The following DCAF8L2 variants were observed in gnomAD, a reference collection of about 807,000 sequenced individuals.
DCAF8L2 encodes the protein DDB1- and CUL4-associated factor 8-like protein 2.
For missense variants in DCAF8L2, 430 were observed against 490.7 expected (o/e 0.88, Z 1.17); for synonymous variants, 200 against 190.9 (o/e 1.05, Z -0.39).
chrX:27,640,698 G>A (rs938760995), intron 2 of DCAF8L2, among the ~76,000 whole-genome samples: 2 of 111,566 alleles, frequency 1.8e-5, no homozygotes, highest in Non-Finnish European at 3.8e-5. Context: ...CATTTTCACG[G>A]CAATGTATGA....
chrX:27,694,019 C>G (rs773917650), intron 3 of DCAF8L2, among the ~76,000 whole-genome samples: 8 of 112,004 alleles, frequency 7.1e-5, no homozygotes, highest in Non-Finnish European at 1.1e-4. Flanking sequence ...CCATGGAATA[C>G]TATGTAGCCA....
chrX:27,632,482 C>T (rs1343194406), intron 2 of DCAF8L2: 2 of 111,474 alleles, frequency 1.8e-5, no homozygotes, highest in Non-Finnish European at 3.8e-5. Context: ...CTGATTTCAT[C>T]TTTTGTGTAC....
At chrX:27,544,710 A>G in the DCAF8L2 span, among the ~76,000 whole-genome samples, 1 of 112,100 alleles carries the variant, frequency 8.9e-6, no homozygotes, top group African/African-American at 3.2e-5. Context: ...AGCCTAATTG[A>G]TAGAAAAAGA....
chrX:27,614,877 G>A (rs1323183320), intron 1 of DCAF8L2, among the ~76,000 whole-genome samples: 1 of 110,996 alleles, frequency 9.0e-6, no homozygotes, highest in Non-Finnish European at 1.9e-5. Context: ...TTCCAACTAT[G>A]TGGTCAATTT....
chrX:27,708,931 T>C (rs1053627932), intron 3 of DCAF8L2, among the ~76,000 whole-genome samples: 1 of 112,603 alleles, frequency 8.9e-6, no homozygotes, highest in African/African-American at 3.2e-5. Flanking sequence ...TCTTTTTTCT[T>C]TTTTTACAGA....
intron 3 of DCAF8L2, among the ~76,000 whole-genome samples, chrX:27,692,232 C>T (rs1317620034): frequency 9.0e-6 from 1 of 111,589 alleles, no homozygotes; most frequent in African/African-American, 3.3e-5. Context: ...ATTCAGATTT[C>T]TGGCTTCTTG....
At chrX:27,536,876 C>G in the DCAF8L2 span, among the ~76,000 whole-genome samples, 2 of 112,169 alleles carry the variant, frequency 1.8e-5, no homozygotes, top group Non-Finnish European at 3.8e-5. Context: ...TTTGAGGGAA[C>G]CCTCATGCCT....
At chrX:27,691,832 TG>T (rs1930722920) in intron 3 of DCAF8L2, among the ~76,000 whole-genome samples, 1 of 111,154 alleles carries the variant, frequency 9.0e-6, no homozygotes, top group South Asian at 3.8e-4. Context: ...GGAGGATAGG[TG>T]GTGCTTAGTG....
chrX:27,497,838 A>C, the DCAF8L2 span, among the ~76,000 whole-genome samples: 1 of 111,957 alleles, frequency 8.9e-6, no homozygotes, highest in African/African-American at 3.3e-5. Context: ...AAGTGCTGGG[A>C]TTACAGGCGT....
At chrX:27,681,681 G>A (rs1412741077) in intron 3 of DCAF8L2, among the ~76,000 whole-genome samples, 2 of 111,342 alleles carry the variant, frequency 1.8e-5, no homozygotes, top group African/African-American at 3.3e-5. Flanking sequence ...GTAATATATC[G>A]ATTCTATGAA....
At chrX:27,652,109 A>T (rs1403393896) in intron 2 of DCAF8L2, among the ~76,000 whole-genome samples, 2 of 110,688 alleles carry the variant, frequency 1.8e-5, no homozygotes, top group East Asian at 5.6e-4. Context: ...AACATGCAGA[A>T]TTCTTAGGAG....
the DCAF8L2 span, among the ~76,000 whole-genome samples, chrX:27,537,722 T>G: frequency 8.9e-6 from 1 of 111,838 alleles, no homozygotes; most frequent in African/African-American, 3.3e-5. Flanking sequence ...CTGGGCTGGT[T>G]TTACAGAGAA....
chrX:27,662,602 A>G (rs1426667650), intron 2 of DCAF8L2, among the ~76,000 whole-genome samples: 1 of 111,812 alleles, frequency 8.9e-6, no homozygotes, highest in East Asian at 2.8e-4. Context: ...TTTTCTCTTT[A>G]TCACAAACAA....
intron 1 of DCAF8L2, among the ~76,000 whole-genome samples, chrX:27,598,974 A>T (rs199585697): frequency 0.21 from 18,928 of 92,030 alleles, 2,120 homozygotes; most frequent in East Asian, 0.37. Context: ...AAAAAAAAAA[A>T]ATATATATAT....
the DCAF8L2 span, among the ~76,000 whole-genome samples, chrX:27,523,990 C>A: frequency 8.9e-6 from 1 of 111,877 alleles, no homozygotes; most frequent in Non-Finnish European, 1.9e-5. Context: ...CTAAAAGTCT[C>A]TTTCGTTGTT....
At chrX:27,470,014 C>T in the DCAF8L2 span, among the ~76,000 whole-genome samples, 9 of 111,258 alleles carry the variant, frequency 8.1e-5, no homozygotes, top group South Asian at 3.8e-4. Context: ...GTGATCCGCC[C>T]GCCTCGGCTT....
intron 3 of DCAF8L2, among the ~76,000 whole-genome samples, chrX:27,711,583 G>T (rs894918114): frequency 9.1e-6 from 1 of 109,853 alleles, no homozygotes; most frequent in Non-Finnish European, 1.9e-5. Flanking sequence ...ATAACATCAT[G>T]TTCTAAGCCT....
chrX:27,486,221 G>A, the DCAF8L2 span, among the ~76,000 whole-genome samples: 1 of 109,248 alleles, frequency 9.2e-6, no homozygotes, highest in South Asian at 4.0e-4. Context: ...GGCCAGGCTG[G>A]TCTCAAACCT....
At chrX:27,704,516 G>A (rs1156949364) in intron 3 of DCAF8L2, among the ~76,000 whole-genome samples, 1 of 110,223 alleles carries the variant, frequency 9.1e-6, no homozygotes, top group Non-Finnish European at 1.9e-5. Flanking sequence ...GGTATGAAGA[G>A]GGGGAGGAAA....
Sources: gnomAD v4.1 joint callset for allele counts (sites outside exome capture counted in the v4.1 genomes callset) on GRCh38, gnomAD v4.1.1 for gene constraint, MANE v1.5 for transcripts, NCBI Gene and HGNC (gene_info 2026-07-23, HGNC 2026-07-21) for gene names.